The following CHODL variants were observed in gnomAD, a reference collection of about 807,000 sequenced individuals.
CHODL encodes transmembrane protein MT75.
CHODL carries 29 observed loss-of-function variants against 34.5 expected under a neutral mutation model. That is an observed-to-expected ratio of 0.84 (90% confidence interval 0.63 to 1.15). The LOEUF (loss-of-function observed/expected upper bound fraction) is 1.15. Ranked by LOEUF, CHODL falls within the 50% of genes most tolerant of loss-of-function variation. CHODL has a pLI of 0.00. For synonymous variants in CHODL, 125 were observed against 116.1 expected, an observed-to-expected ratio of 1.08 and a Z score of -0.49; for missense variants, 332 against 332.5, an observed-to-expected ratio of 1.00 and a Z score of 0.01.
chr21:18,132,927 T>C (rs1337102199), intron 2 of CHODL, among the ~76,000 whole-genome samples: 1 of 152,138 alleles, frequency 6.6e-6, no homozygotes, highest in Non-Finnish European at 1.5e-5. Flanking sequence ...CTGTCAAATA[T>C]GAGTTTTTTT....
At chr21:17,926,971 TACAC>T (rs1462253056) in intron 1 of CHODL, among the ~76,000 whole-genome samples, 1 of 151,322 alleles carries the variant, frequency 6.6e-6, no homozygotes. Context: ...ACCTTTTAAA[TACAC>T]AGACACACAC....
At chr21:18,092,672 A>T (rs1027371748) in intron 2 of CHODL, among the ~76,000 whole-genome samples, 8 of 152,226 alleles carry the variant, frequency 5.3e-5, no homozygotes, top group African/African-American at 1.9e-4. Context: ...AAAAAATGCA[A>T]TTGACATTCC....
chr21:18,004,715 A>G (rs1319337633), intron 1 of CHODL, among the ~76,000 whole-genome samples: 1 of 152,168 alleles, frequency 6.6e-6, no homozygotes, highest in Non-Finnish European at 1.5e-5. Context: ...TACTTTATAG[A>G]TATGAGGTCT....
At chr21:18,013,968 C>A (rs1207662806) in intron 1 of CHODL, among the ~76,000 whole-genome samples, 1 of 152,034 alleles carries the variant, frequency 6.6e-6, no homozygotes, top group Non-Finnish European at 1.5e-5. Context: ...CTGTTAGGAC[C>A]ACTTACTAGC....
chr21:18,265,317 A>G (rs989219682), intron 5 of CHODL, among the ~76,000 whole-genome samples: 1 of 151,380 alleles, frequency 6.6e-6, no homozygotes, highest in Non-Finnish European at 1.5e-5. Context: ...ACACATATAT[A>G]TATATGATGG....
chr21:18,005,301 A>G (rs34831514), intron 1 of CHODL, among the ~76,000 whole-genome samples: 2,966 of 152,346 alleles, frequency 0.019, 48 homozygotes, highest in Middle Eastern at 0.031. Context: ...TGTTACAACT[A>G]TTAAAGGAGG....
chr21:17,942,825 G>A lies in CHODL; in HGVS notation c.-145+25425G>A, dbSNP rs536534681. 5.3e-5 allele frequency among the ~76,000 whole-genome samples: 8 copies of A among 152,262 alleles called. No homozygotes were observed. The South Asian group carries it at 1.7e-3, about 32-fold the overall frequency. On this transcript the variant is annotated intron_variant, in intron 1 of 6. Transcript: ENST00000400127. ...ATCTCATGTTGAATTTTAATTCCCA[G>A]TGTTAGAGGAGGGACCCGGTAGAAG...
At chr21:17,966,278 A>G (rs1249917897) in intron 1 of CHODL, among the ~76,000 whole-genome samples, 2 of 152,190 alleles carry the variant, frequency 1.3e-5, no homozygotes, top group Admixed American at 1.3e-4. Context: ...TCTTTCTAAC[A>G]GATTGTGGAT....
intron 1 of CHODL, among the ~76,000 whole-genome samples, chr21:17,991,718 C>A (rs1186481851): frequency 8.3e-6 from 1 of 120,334 alleles, no homozygotes; most frequent in Non-Finnish European, 1.7e-5. Flanking sequence ...CTTATATATT[C>A]TGAATATCAA....
intron 2 of CHODL, among the ~76,000 whole-genome samples, chr21:18,158,206 C>T (rs927504721): frequency 6.6e-6 from 1 of 151,618 alleles, no homozygotes; most frequent in Non-Finnish European, 1.5e-5. Flanking sequence ...ATATTCAGAG[C>T]CTGGTATACA....
At chr21:18,020,693 A>G (rs1214584985) in intron 1 of CHODL, among the ~76,000 whole-genome samples, 1 of 152,220 alleles carries the variant, frequency 6.6e-6, no homozygotes, top group Non-Finnish European at 1.5e-5. Flanking sequence ...TCTCTACAAA[A>G]TATAGATGTT....
At chr21:18,138,554 TC>T (rs1453484588) in intron 2 of CHODL, among the ~76,000 whole-genome samples, 1 of 152,190 alleles carries the variant, frequency 6.6e-6, no homozygotes, top group African/African-American at 2.4e-5. Context: ...TTTTGCAAGT[TC>T]CTAAAAGGTA....
At chr21:17,948,116 C>G (rs989511032) in intron 1 of CHODL, among the ~76,000 whole-genome samples, 4 of 152,036 alleles carry the variant, frequency 2.6e-5, no homozygotes, top group Admixed American at 2.6e-4. Context: ...CACAGACATA[C>G]AGAGTGGAAT....
At chr21:18,177,938 A>C (rs746786577) in intron 2 of CHODL, among the ~76,000 whole-genome samples, 6 of 152,180 alleles carry the variant, frequency 3.9e-5, no homozygotes, top group African/African-American at 7.2e-5. Flanking sequence ...ACTTGGTCCA[A>C]ATAAAAATAT....
intron 2 of CHODL, among the ~76,000 whole-genome samples, chr21:18,102,151 T>TA (rs1171958429): frequency 6.6e-6 from 1 of 152,192 alleles, no homozygotes; most frequent in Non-Finnish European, 1.5e-5. Context: ...TCTATATCCA[T>TA]AGGCTAGAAC....
chr21:18,130,290 A>C (rs2072639315), intron 2 of CHODL, among the ~76,000 whole-genome samples: 1 of 152,212 alleles, frequency 6.6e-6, no homozygotes. Context: ...CAGCCTGGCA[A>C]ATAAGAAGTG....
intron 2 of CHODL, among the ~76,000 whole-genome samples, chr21:18,168,821 T>C (rs1315948377): frequency 6.6e-6 from 1 of 152,200 alleles, no homozygotes; most frequent in Non-Finnish European, 1.5e-5. Context: ...TTATGTAATG[T>C]CTAAGAAACA....
At chr21:18,084,731 T>C (rs1404080561) in intron 2 of CHODL, among the ~76,000 whole-genome samples, 1 of 152,138 alleles carries the variant, frequency 6.6e-6, no homozygotes, top group Non-Finnish European at 1.5e-5. Context: ...ATGAGAAGAA[T>C]GTGTATTCTG....
chr21:18,126,947 T>C (rs1053580141), intron 2 of CHODL, among the ~76,000 whole-genome samples: 1 of 152,228 alleles, frequency 6.6e-6, no homozygotes, highest in Admixed American at 6.5e-5. Context: ...AACAATGCCC[T>C]GTGCAGATAA....
Sources: gnomAD v4.1 joint callset for allele counts (sites outside exome capture counted in the v4.1 genomes callset) on GRCh38, gnomAD v4.1.1 for gene constraint, MANE v1.5 for transcripts, NCBI Gene and HGNC (gene_info 2026-07-23, HGNC 2026-07-21) for gene names.